Variants in GULP1 observed in about 807,000 individuals in gnomAD.
The protein encoded by GULP1 is PTB domain-containing engulfment adapter protein 1.
A neutral mutation model predicts 40.9 loss-of-function variants in GULP1; 19 were observed. The observed-to-expected ratio is 0.46, with a 90% CI of 0.32 to 0.68. The LOEUF (loss-of-function observed/expected upper bound fraction) is 0.68. Ranked by LOEUF, GULP1 falls within the 30% of genes least tolerant of loss-of-function variation. The pLI is 0.03. For synonymous variants in GULP1, 119 were observed against 117.6 expected (o/e 1.01, Z -0.08); for missense variants, 312 against 362.2 (o/e 0.86, Z 1.12).
Position 188,532,753 on chromosome 2 carries a change from T to TAA in GULP1, c.261+3575_261+3576dup, listed in dbSNP as rs5837093. Among the ~76,000 whole-genome samples the TAA allele has an allele frequency of 6.7e-3, 840 of 125,750 alleles. 11 individuals carry two copies. Among genetic ancestry groups the TAA allele is most frequent in the African/African-American group, 0.01 (340 of 33,288 alleles). The allele number at this position is 125,750 out of a possible 152,430, so 82.5% of individuals were successfully genotyped here. A position where few individuals can be genotyped will look rare whatever the true frequency, so the allele number is the denominator to read the frequency against. ...CAACATGATGAAACCCTGTCTCTAC[T>TAA]AAAAAAAAAAAAAAAAAAGTAGCTG... On this transcript the variant is annotated intron_variant, in intron 6 of 11. Coordinates refer to ENST00000409830, the MANE Select transcript of GULP1 (RefSeq NM_016315.4).
chr2:188,527,761 A>G (rs1297249818), intron 5 of GULP1, among the ~76,000 whole-genome samples: 1 of 152,196 alleles, frequency 6.6e-6, no homozygotes, highest in African/African-American at 2.4e-5. Context: ...GCATTCATAT[A>G]TGCATTAATT....
At chr2:188,331,752 A>C (rs530341462) in intron 1 of GULP1, among the ~76,000 whole-genome samples, 106 of 152,196 alleles carry the variant, frequency 7.0e-4, no homozygotes, top group Non-Finnish European at 1.2e-3. Context: ...ATTATTTCTG[A>C]TTGTTGGGAA....
chr2:188,294,967 A>G (rs1251103512), intron 1 of GULP1, among the ~76,000 whole-genome samples: 2 of 152,214 alleles, frequency 1.3e-5, no homozygotes, highest in East Asian at 3.8e-4. Flanking sequence ...TTACATTTTA[A>G]TCATAGCTTT....
chr2:188,375,508 C>A (rs2048181822), intron 1 of GULP1, among the ~76,000 whole-genome samples: 1 of 152,204 alleles, frequency 6.6e-6, no homozygotes, highest in South Asian at 2.1e-4. Flanking sequence ...TGATTTCCTT[C>A]ATTCCAGCAG....
At chr2:188,306,827 A>G (rs1427534005) in intron 1 of GULP1, among the ~76,000 whole-genome samples, 2 of 152,216 alleles carry the variant, frequency 1.3e-5, no homozygotes, top group African/African-American at 2.4e-5. Context: ...ATGTCTGCCA[A>G]TATGTCTAGG....
chr2:188,371,235 G>GA (rs2047563043), intron 1 of GULP1, among the ~76,000 whole-genome samples: 1 of 151,906 alleles, frequency 6.6e-6, no homozygotes, highest in African/African-American at 2.4e-5. Context: ...GGTATTAATA[G>GA]AAAACAATAA....
intron 1 of GULP1, among the ~76,000 whole-genome samples, chr2:188,372,069 G>C (rs543394883): frequency 6.6e-6 from 1 of 152,170 alleles, no homozygotes; most frequent in African/African-American, 2.4e-5. Flanking sequence ...ACTTGTTGTC[G>C]TTGCTGTGAA....
chr2:188,458,324 A>G (rs759142485), intron 2 of GULP1, among the ~76,000 whole-genome samples: 6 of 152,180 alleles, frequency 3.9e-5, no homozygotes, highest in East Asian at 1.9e-4. Flanking sequence ...GCATAAATAC[A>G]TATTCAATAG....
chr2:188,545,814 C>A (rs988743945), intron 7 of GULP1, among the ~76,000 whole-genome samples: 2 of 151,852 alleles, frequency 1.3e-5, no homozygotes, highest in Non-Finnish European at 2.9e-5. Flanking sequence ...AATCCAGATA[C>A]ATATCATCTA....
At chr2:188,426,031 A>C (rs2056153594) in intron 2 of GULP1, among the ~76,000 whole-genome samples, 3 of 152,148 alleles carry the variant, frequency 2.0e-5, no homozygotes, top group Admixed American at 2.0e-4. Context: ...GCCTCTAAGT[A>C]GGTGTTTGGG....
intron 1 of GULP1, among the ~76,000 whole-genome samples, chr2:188,347,052 C>G (rs2043779019): frequency 6.6e-6 from 1 of 151,882 alleles, no homozygotes; most frequent in Non-Finnish European, 1.5e-5. Flanking sequence ...CATTATTGCT[C>G]TCGATTCACA....
At chr2:188,339,201 C>CT (rs1379149638) in intron 1 of GULP1, among the ~76,000 whole-genome samples, 1 of 152,184 alleles carries the variant, frequency 6.6e-6, no homozygotes, top group Non-Finnish European at 1.5e-5. Context: ...AAGCAGCTCA[C>CT]TTTGAATATC....
intron 1 of GULP1, among the ~76,000 whole-genome samples, chr2:188,328,224 G>A (rs2041035885): frequency 1.3e-5 from 2 of 152,102 alleles, no homozygotes; most frequent in South Asian, 4.1e-4. Flanking sequence ...TAAGATTAGA[G>A]CACATTTCAG....
intron 7 of GULP1, among the ~76,000 whole-genome samples, chr2:188,564,130 T>G (rs1697043382): frequency 6.6e-6 from 1 of 152,030 alleles, no homozygotes; most frequent in Admixed American, 6.6e-5. Context: ...TGATAAAAAC[T>G]TTAAAAGTTC....
intron 1 of GULP1, among the ~76,000 whole-genome samples, chr2:188,380,229 C>G (rs2048844179): frequency 6.6e-6 from 1 of 152,040 alleles, no homozygotes; most frequent in Non-Finnish European, 1.5e-5. Flanking sequence ...CCTAATATCA[C>G]CTTCTTTGTA....
intron 1 of GULP1, among the ~76,000 whole-genome samples, chr2:188,311,181 G>A (rs1041434199): frequency 3.3e-5 from 5 of 152,086 alleles, no homozygotes; most frequent in African/African-American, 1.2e-4. Context: ...TTCTGCAGTT[G>A]GTTATTGGTT....
At chr2:188,345,261 A>G (rs2043489895) in intron 1 of GULP1, among the ~76,000 whole-genome samples, 1 of 152,306 alleles carries the variant, frequency 6.6e-6, no homozygotes, top group East Asian at 1.9e-4. Context: ...AGCGTTTTGC[A>G]CTATCTGCCA....
intron 1 of GULP1, among the ~76,000 whole-genome samples, chr2:188,315,525 T>C (rs2038928510): frequency 6.6e-6 from 1 of 152,144 alleles, no homozygotes; most frequent in African/African-American, 2.4e-5. Flanking sequence ...CTTTGAATTT[T>C]TTGTATTTAA....
intron 4 of GULP1, among the ~76,000 whole-genome samples, chr2:188,496,991 C>T (rs2062960047): frequency 6.6e-6 from 1 of 151,994 alleles, no homozygotes. Flanking sequence ...TCCAGCCATG[C>T]TTCCTGTACA....
Sources: gnomAD v4.1 joint callset for allele counts (sites outside exome capture counted in the v4.1 genomes callset) on GRCh38, gnomAD v4.1.1 for gene constraint, MANE v1.5 for transcripts, NCBI Gene and HGNC (gene_info 2026-07-23, HGNC 2026-07-21) for gene names.